Variants in FARP1 observed in about 807,000 individuals in gnomAD.
FARP1 encodes the protein FERM, ARH/RhoGEF and pleckstrin domain protein 1, also known as FERM, ARHGEF and pleckstrin domain-containing protein 1.
Under a neutral mutation model 128.8 loss-of-function variants are expected in FARP1, and 52 were observed. The ratio of observed to expected loss-of-function variants is 0.40; its 90% CI spans 0.32 to 0.51. The LOEUF (loss-of-function observed/expected upper bound fraction) is 0.51, where lower values mean the gene tolerates loss of function less well. Among genes scored for constraint, FARP1 ranks in the 20% least tolerant of loss-of-function variants. The pLI is 0.45. For missense variants in FARP1, 1,333 were observed against 1,367.9 expected, an observed-to-expected ratio of 0.97 and a Z score of 0.40; for synonymous variants, 580 against 551.8, an observed-to-expected ratio of 1.05 and a Z score of -0.72.
intron 2 of FARP1, among the ~76,000 whole-genome samples, chr13:98,236,632 A>C (rs58996491): frequency 0.023 from 3,497 of 152,318 alleles, 125 homozygotes; most frequent in African/African-American, 0.08. Context: ...ATGAATATAT[A>C]AAATATATGT....
At chr13:98,309,544 T>G (rs1488742707) in intron 2 of FARP1, among the ~76,000 whole-genome samples, 3 of 152,176 alleles carry the variant, frequency 2.0e-5, no homozygotes, top group Non-Finnish European at 4.4e-5. Context: ...CATATTCTAT[T>G]TCTCCTGGAC....
At chr13:98,234,200 G>T (rs535894024) in intron 2 of FARP1, 8 of 152,284 alleles carry the variant, frequency 5.3e-5, no homozygotes, top group African/African-American at 1.9e-4. Flanking sequence ...ATGTTACCCA[G>T]GGGCTTCCTC....
Position 98,377,816 on chromosome 13 carries a change from C to G in FARP1, c.399-5C>G, listed in dbSNP as rs754362294. ...CCTGACGCCCAGCTCTGTTGATCTT[C>G]GCAGGTACCTGTTCGCGCTGCAGGT... On this transcript the variant is annotated splice_polypyrimidine_tract_variant and splice_region_variant and intron_variant, in intron 5 of 26. Transcript: ENST00000319562. 8.1e-6 allele frequency: 13 copies of G among 1,612,358 alleles called. No individual in the cohort carries two copies. The South Asian group carries it at 1.2e-4, about 15-fold the overall frequency.
intron 1 of FARP1, among the ~76,000 whole-genome samples, chr13:98,155,069 G>A (rs1159566422): frequency 6.6e-6 from 1 of 152,150 alleles, no homozygotes; most frequent in Non-Finnish European, 1.5e-5. Flanking sequence ...AACTGGGGCC[G>A]GGCGTGGTGG....
At chr13:98,345,780 G>A (rs1431118142) in intron 3 of FARP1, among the ~76,000 whole-genome samples, 1 of 152,188 alleles carries the variant, frequency 6.6e-6, no homozygotes, top group East Asian at 1.9e-4. Context: ...TATAGGCCAT[G>A]CAGTCTCTGC....
chr13:98,203,290 A>T (rs1223955327), intron 1 of FARP1, among the ~76,000 whole-genome samples: 1 of 152,216 alleles, frequency 6.6e-6, no homozygotes, highest in Non-Finnish European at 1.5e-5. Flanking sequence ...CAGGTGTACA[A>T]TTCAAAGGTT....
chr13:98,312,151 T>TTTTTTTTC (rs1886493378), intron 2 of FARP1, among the ~76,000 whole-genome samples: 1 of 143,672 alleles, frequency 7.0e-6, no homozygotes, highest in East Asian at 2.0e-4. Flanking sequence ...TTTTTTTTTT[T>TTTTTTTTC]TTTCTTTGAG....
At chr13:98,333,019 G>A (rs1251090663) in intron 2 of FARP1, 1 of 152,196 alleles carries the variant, frequency 6.6e-6, no homozygotes, top group African/African-American at 2.4e-5. Flanking sequence ...TTCAGGTTCA[G>A]TGGGCTGAAT....
At chr13:98,335,949 C>T (rs1343313154) in intron 2 of FARP1, among the ~76,000 whole-genome samples, 1 of 152,160 alleles carries the variant, frequency 6.6e-6, no homozygotes, top group Non-Finnish European at 1.5e-5. Context: ...AAAAATGAAA[C>T]ACTTCCCAAA....
chr13:98,278,168 A>AGTGTGTGTGTGTGTGTGT (rs1291047216), intron 2 of FARP1, among the ~76,000 whole-genome samples: 1 of 131,588 alleles, frequency 7.6e-6, no homozygotes, highest in African/African-American at 2.9e-5. Flanking sequence ...TGTATGAGTG[A>AGTGTGTGTGTGTGTGTGT]GTGAGTGTGT....
At chr13:98,259,229 T>G (rs573028377) in intron 2 of FARP1, among the ~76,000 whole-genome samples, 2 of 151,814 alleles carry the variant, frequency 1.3e-5, no homozygotes, top group African/African-American at 4.9e-5. Flanking sequence ...AAAATAGATA[T>G]GTATATTTTT....
At chr13:98,157,433 T>C (rs536658494) in intron 1 of FARP1, among the ~76,000 whole-genome samples, 1 of 152,190 alleles carries the variant, frequency 6.6e-6, no homozygotes, top group South Asian at 2.1e-4. Flanking sequence ...CCTTCTCTGC[T>C]CTGACATTCA....
chr13:98,377,317 AAAG>A (rs1889631282), intron 5 of FARP1, among the ~76,000 whole-genome samples: 1 of 151,716 alleles, frequency 6.6e-6, no homozygotes, highest in Non-Finnish European at 1.5e-5. Context: ...AAAAAAAAGA[AAAG>A]AAAATGAATT....
intron 1 of FARP1, among the ~76,000 whole-genome samples, chr13:98,154,178 TGAA>T (rs1277627395): frequency 2.0e-5 from 3 of 152,248 alleles, no homozygotes; most frequent in African/African-American, 7.2e-5. Context: ...ATTTACTTAT[TGAA>T]GAACAGTTGA....
intron 2 of FARP1, among the ~76,000 whole-genome samples, chr13:98,279,401 C>T (rs2139616694): frequency 6.6e-6 from 1 of 152,158 alleles, no homozygotes; most frequent in East Asian, 1.9e-4. Context: ...AATTTGCTCC[C>T]CCTTGCATAT....
chr13:98,396,399 G>A (rs1446450043), intron 13 of FARP1: 3 of 399,120 alleles, frequency 7.5e-6, no homozygotes, highest in African/African-American at 6.2e-5. Flanking sequence ...TGCGTTCCCC[G>A]TCCCTGCTGA....
At chr13:98,247,240 C>CA (rs979111898) in intron 2 of FARP1, among the ~76,000 whole-genome samples, 5 of 150,176 alleles carry the variant, frequency 3.3e-5, no homozygotes, top group African/African-American at 9.8e-5. Flanking sequence ...ACTCTGTCTC[C>CA]AAAAAAAAAG....
chr13:98,226,476 C>CTTT (rs61064188), intron 2 of FARP1, among the ~76,000 whole-genome samples: 7,483 of 146,054 alleles, frequency 0.051, 257 homozygotes, highest in Non-Finnish European at 0.072. Context: ...AGGACTTCAT[C>CTTT]TTTTTTTTTT....
chr13:98,311,271 C>G (rs1307764411), intron 2 of FARP1, among the ~76,000 whole-genome samples: 1 of 152,170 alleles, frequency 6.6e-6, no homozygotes. Context: ...ATGATCAGTA[C>G]TATGTCAAAG....
Sources: gnomAD v4.1 joint callset for allele counts (sites outside exome capture counted in the v4.1 genomes callset) on GRCh38, gnomAD v4.1.1 for gene constraint, MANE v1.5 for transcripts, NCBI Gene and HGNC (gene_info 2026-07-23, HGNC 2026-07-21) for gene names.